IFT80: variants seen among roughly 807,000 people sequenced by gnomAD.
The protein encoded by IFT80 is intraflagellar transport protein 80 homolog.
A neutral mutation model predicts 107.9 loss-of-function variants in IFT80; 79 were observed. The ratio of observed to expected loss-of-function variants is 0.73; its 90% CI spans 0.61 to 0.88. The LOEUF is 0.88. Ranked by LOEUF, IFT80 falls within the 40% of genes least tolerant of loss-of-function variation. The pLI, the probability that IFT80 is intolerant of heterozygous loss-of-function variation, is 0.00. For missense variants in IFT80, 797 were observed against 914.2 expected, an observed-to-expected ratio of 0.87 and a Z score of 1.65; for synonymous variants, 299 against 300.9, an observed-to-expected ratio of 0.99 and a Z score of 0.07.
chr3:160,309,550 G>C (rs1394648303), intron 9 of IFT80, among the ~76,000 whole-genome samples: 1 of 152,144 alleles, frequency 6.6e-6, no homozygotes, highest in African/African-American at 2.4e-5. Flanking sequence ...AGCCAGGCGT[G>C]ATGGCAGGCC....
chr3:160,386,148 G>A (rs1712914069), intron 1 of IFT80, among the ~76,000 whole-genome samples: 1 of 152,156 alleles, frequency 6.6e-6, no homozygotes, highest in Admixed American at 6.6e-5. Flanking sequence ...GAAACATCAT[G>A]CCAAGGAATC....
At chr3:160,375,277 G>A (rs1271248410) in intron 5 of IFT80, among the ~76,000 whole-genome samples, 1 of 152,036 alleles carries the variant, frequency 6.6e-6, no homozygotes, top group Non-Finnish European at 1.5e-5. Flanking sequence ...TGACTTTATG[G>A]CCACTCCTTT....
chr3:160,332,661 A>C lies in IFT80; in HGVS notation c.778-12722T>G, dbSNP rs1237426848. ...GGACAGCATTACATAAATAAGAGTT[A>C]TGACATGTACTTCCAGTAGGAAGCA... On this transcript the variant is annotated intron_variant, in intron 8 of 19. Coordinates refer to ENST00000326448, the MANE Select transcript of IFT80 (RefSeq NM_020800.3). Among the ~76,000 whole-genome samples the C allele has an allele frequency of 2.6e-5, 4 of 152,260 alleles. No homozygotes were observed. The South Asian group carries it at 8.3e-4, about 31-fold the overall frequency.
At chr3:160,304,932 GA>G (rs1184388904) in intron 10 of IFT80, among the ~76,000 whole-genome samples, 1 of 152,148 alleles carries the variant, frequency 6.6e-6, no homozygotes. Flanking sequence ...GGGTTGAAAT[GA>G]AAAGATTTCT....
intron 8 of IFT80, among the ~76,000 whole-genome samples, chr3:160,355,635 CAT>C (rs1436137698): frequency 1.3e-5 from 2 of 150,886 alleles, no homozygotes; most frequent in Admixed American, 6.6e-5. Flanking sequence ...TCGTATGAAA[CAT>C]ATTGACAGCA....
At chr3:160,330,453 C>A (rs1435495775) in intron 8 of IFT80, among the ~76,000 whole-genome samples, 1 of 152,168 alleles carries the variant, frequency 6.6e-6, no homozygotes, top group African/African-American at 2.4e-5. Context: ...GAATATCTGG[C>A]TTCTTATATT....
At chr3:160,316,804 C>T (rs1559936094) in intron 9 of IFT80, among the ~76,000 whole-genome samples, 5 of 152,040 alleles carry the variant, frequency 3.3e-5, no homozygotes, top group Non-Finnish European at 5.9e-5. Flanking sequence ...GCACTCTTTC[C>T]GCTGAACTTG....
Position 160,319,758 on chromosome 3 carries a change from A to G in IFT80, c.957+2T>C. ...TTAATCAACCTTGGAACATAATAAT[A>G]CCTGCATGGCTCTTCTTTTCGTTAA... On this transcript the variant is annotated splice_donor_variant, in intron 9 of 19. Transcript: ENST00000326448. LOFTEE classifies it high-confidence loss of function. 6.2e-7 allele frequency: 1 copy of G among 1,611,894 alleles called. No homozygotes were observed. Among genetic ancestry groups the G allele is most frequent in the Non-Finnish European group, 8.5e-7 (1 of 1,178,360 alleles).
intron 8 of IFT80, among the ~76,000 whole-genome samples, chr3:160,321,993 T>C (rs937140573): frequency 3.4e-5 from 5 of 147,258 alleles, no homozygotes; most frequent in South Asian, 2.2e-4. Context: ...GAAAGGGTCA[T>C]TGTCAGCTTG....
intron 9 of IFT80, among the ~76,000 whole-genome samples, chr3:160,314,596 C>T (rs112076860): frequency 0.016 from 2,363 of 152,236 alleles, 65 homozygotes; most frequent in African/African-American, 0.053. Flanking sequence ...GTTAATGAAA[C>T]ACGGATAAAC....
chr3:160,272,762 C>A (rs1713918602), intron 18 of IFT80, among the ~76,000 whole-genome samples: 1 of 152,102 alleles, frequency 6.6e-6, no homozygotes, highest in African/African-American at 2.4e-5. Flanking sequence ...ACTTGTATAT[C>A]CCACTCCCTA....
intron 8 of IFT80, among the ~76,000 whole-genome samples, chr3:160,320,700 C>T (rs377040973): frequency 6.6e-6 from 1 of 151,654 alleles, no homozygotes. Context: ...ATTCTTCCAG[C>T]CTTACAGCGT....
At chr3:160,274,431 G>A (rs2108220460) in intron 18 of IFT80, 1 of 152,112 alleles carries the variant, frequency 6.6e-6, no homozygotes, top group South Asian at 2.1e-4. Flanking sequence ...CTCACTCACT[G>A]CATGTATCTA....
intron 8 of IFT80, among the ~76,000 whole-genome samples, chr3:160,349,403 C>T (rs1314967795): frequency 1.3e-5 from 2 of 151,682 alleles, no homozygotes; most frequent in Admixed American, 6.6e-5. Context: ...GAGCCGAGAT[C>T]GCTCCACTGC....
At chr3:160,396,985 T>G (rs1713826895) in intron 1 of IFT80, among the ~76,000 whole-genome samples, 2 of 152,174 alleles carry the variant, frequency 1.3e-5, no homozygotes, top group African/African-American at 4.8e-5. Flanking sequence ...TGGGCAATGG[T>G]TAGGTTCAAT....
chr3:160,364,778 C>T (rs1334864469), intron 6 of IFT80, among the ~76,000 whole-genome samples: 1 of 152,040 alleles, frequency 6.6e-6, no homozygotes, highest in South Asian at 2.1e-4. Context: ...CGCATGTTCT[C>T]ACTCATAGGT....
At chr3:160,350,456 C>A (rs1336892783) in intron 8 of IFT80, among the ~76,000 whole-genome samples, 1 of 147,910 alleles carries the variant, frequency 6.8e-6, no homozygotes, top group East Asian at 2.0e-4. Flanking sequence ...TATTTACATA[C>A]TTTTTTTTAA....
At chr3:160,275,544 G>A (rs1455725186) in intron 18 of IFT80, among the ~76,000 whole-genome samples, 3 of 152,010 alleles carry the variant, frequency 2.0e-5, no homozygotes, top group African/African-American at 7.2e-5. Context: ...CATTCTATGT[G>A]CAATACTCTT....
chr3:160,335,208 G>A (rs1308189908), intron 8 of IFT80, among the ~76,000 whole-genome samples: 1 of 150,586 alleles, frequency 6.6e-6, no homozygotes, highest in Non-Finnish European at 1.5e-5. Context: ...AACTCGGTTC[G>A]GCAGAAAAAT....
Sources: allele counts gnomAD v4.1 joint callset (sites outside exome capture counted in the v4.1 genomes callset), GRCh38; gene constraint gnomAD v4.1.1; transcripts MANE v1.5; gene names NCBI Gene and HGNC (gene_info 2026-07-23, HGNC 2026-07-21).